RFX6: variants seen among roughly 807,000 people sequenced by gnomAD.
RFX6 encodes regulatory factor X6, also known as DNA-binding protein RFX6.
Under a neutral mutation model 110.8 loss-of-function variants are expected in RFX6, and 50 were observed. The ratio of observed to expected loss-of-function variants is 0.45; its 90% CI spans 0.36 to 0.57. The LOEUF (loss-of-function observed/expected upper bound fraction) is 0.57. Among genes scored for constraint, RFX6 ranks in the 20% least tolerant of loss-of-function variants. The pLI, the probability that RFX6 is intolerant of heterozygous loss-of-function variation, is 0.00. For missense variants in RFX6, 990 were observed against 1,127.0 expected (o/e 0.88, Z 1.74); for synonymous variants, 383 against 411.2 (o/e 0.93, Z 0.83).
At chr6:116,899,272 A>T (rs1321470595) in intron 6 of RFX6, among the ~76,000 whole-genome samples, 1 of 152,214 alleles carries the variant, frequency 6.6e-6, no homozygotes, top group African/African-American at 2.4e-5. Context: ...ATTCTTCCTA[A>T]ATTAATTCAG....
intron 4 of RFX6, among the ~76,000 whole-genome samples, chr6:116,886,107 G>A (rs1438895806): frequency 6.6e-6 from 1 of 151,914 alleles, no homozygotes; most frequent in Admixed American, 6.5e-5. Flanking sequence ...ACATTTTATT[G>A]TTATTGTAGT....
intron 6 of RFX6, among the ~76,000 whole-genome samples, chr6:116,907,785 TTCTG>T (rs568897038): frequency 4.4e-4 from 67 of 152,226 alleles, no homozygotes; most frequent in African/African-American, 1.6e-3. Flanking sequence ...CTTACTTAAC[TTCTG>T]TCTGTTTGTT....
At chr6:116,917,765 A>G (rs371631550) in intron 9 of RFX6, among the ~76,000 whole-genome samples, 4 of 152,256 alleles carry the variant, frequency 2.6e-5, no homozygotes, top group East Asian at 3.9e-4. Context: ...GCTTTTCATC[A>G]TAAAACGGTA....
At chr6:116,883,759 G>T (rs191210658) in intron 4 of RFX6, among the ~76,000 whole-genome samples, 3 of 152,100 alleles carry the variant, frequency 2.0e-5, no homozygotes, top group East Asian at 1.9e-4. Context: ...CAAAAACATA[G>T]GTCCTACTTT....
intron 4 of RFX6, among the ~76,000 whole-genome samples, chr6:116,883,197 T>G (rs1774628962): frequency 6.6e-6 from 1 of 152,154 alleles, no homozygotes; most frequent in African/African-American, 2.4e-5. Context: ...ACCTAGTCCA[T>G]TTCCTACCTG....
chr6:116,927,396 G>T lies in RFX6; in HGVS notation c.2255G>T (p.Arg752Leu). Reference sequence around the variant, plus strand: ...TGTGCGGGGTCTCCATATAACTCCCGGCCACCGTCTAGCTATGGCCCATCC... The same window carrying T: ...TGTGCGGGGTCTCCATATAACTCCCTGCCACCGTCTAGCTATGGCCCATCC... ...GSCAGSPYNSRPPSSYGPSLQ... is the reference protein window; with the variant it reads ...GSCAGSPYNSLPPSSYGPSLQ... Residue 752 changes from arginine (R) to leucine (L), a missense_variant, in exon 17 of 19, where the codon CGG becomes CTG. This residue lies in a region of RFX6 where 438 missense variants were observed against 441.9 expected (regional missense o/e 0.99). Coordinates refer to ENST00000332958, the MANE Select transcript of RFX6 (RefSeq NM_173560.4). 2 of 1,614,016 alleles carry T rather than the reference G, an allele frequency of 1.2e-6. No individual in the cohort carries two copies.
intron 18 of RFX6, among the ~76,000 whole-genome samples, chr6:116,929,859 C>T (rs1367503230): frequency 6.6e-6 from 1 of 152,166 alleles, no homozygotes; most frequent in Admixed American, 6.5e-5. Context: ...AATTTCATCT[C>T]TCCTCACTCA....
chr6:116,882,592 A>G (rs1256905722), intron 4 of RFX6, among the ~76,000 whole-genome samples, 164 bp downstream of exon 4: 4 of 152,040 alleles, frequency 2.6e-5, no homozygotes, highest in African/African-American at 9.7e-5. Context: ...AGATTTTAGA[A>G]TAATGTTTAA....
chr6:116,923,331 T>G, intron 14 of RFX6, 107 bp downstream of exon 14: 1 of 757,022 alleles, frequency 1.3e-6, no homozygotes, highest in Non-Finnish European at 2.4e-6. Flanking sequence ...CTTCTTAAAC[T>G]GTATCTGAAT....
chr6:116,878,527 A>C (rs890805934), intron 2 of RFX6, among the ~76,000 whole-genome samples: 2 of 152,058 alleles, frequency 1.3e-5, no homozygotes, highest in Non-Finnish European at 2.9e-5. Flanking sequence ...AAATATTACA[A>C]ATTGGATTTT....
At chr6:116,929,111 ATAT>A (rs1197186990) in intron 18 of RFX6, 140 bp downstream of exon 18, 2 of 696,586 alleles carry the variant, frequency 2.9e-6, no homozygotes, top group Non-Finnish European at 5.2e-6. Context: ...ATCTAAAGTT[ATAT>A]TTTTTGTATC....
intron 6 of RFX6, among the ~76,000 whole-genome samples, chr6:116,895,966 T>C (rs1225334135): frequency 6.6e-6 from 1 of 152,218 alleles, no homozygotes; most frequent in African/African-American, 2.4e-5. Flanking sequence ...ACCCACTAAA[T>C]GGCCAATTTC....
intron 13 of RFX6, 138 bp downstream of exon 13, chr6:116,922,289 A>C (rs1346221403): frequency 1.5e-6 from 1 of 674,164 alleles, no homozygotes; most frequent in Non-Finnish European, 2.7e-6. Context: ...ATGCTCTACG[A>C]ATAAGGCAGG....
At position 116,927,362 on chromosome 6, in the gene RFX6, A is replaced by T. The variant is rs1174610059; in HGVS notation, c.2221A>T (p.Ser741Cys). The change falls in exon 17 of 19, where the codon AGT (serine) becomes TGT (cysteine). Residue 741 changes from serine (S) to cysteine (C), a missense_variant. Ser to Cys is a moderately radical substitution (Grantham distance 112, BLOSUM62 -1). Around this residue, in one of 5 missense-constraint regions of RFX6, gnomAD observed 438 missense variants for 441.9 expected, o/e 0.99. Transcript: ENST00000332958. The part of the protein sequence containing the change: ...TEQQLSRDFF[S>C]GSCAGSPYNS... ...ACAGCAGCTTTCAAGAGACTTCTTC[A>T]GTGGCAGCTGTGCGGGGTCTCCATA... is the stretch of plus-strand genomic sequence containing the variant. The T allele has an allele frequency of 6.2e-7, 1 of 1,613,860 alleles. No individual in the cohort carries two copies. Among genetic ancestry groups the T allele is most frequent in the South Asian group, 1.1e-5 (1 of 91,086 alleles).
At position 116,894,069 on chromosome 6, in the gene RFX6, A is replaced by G. The variant is rs753738698; in HGVS notation, c.644+5A>G. 2.7e-6 allele frequency: 4 copies of G among 1,481,216 alleles called. No individual in the cohort carries two copies. The South Asian group carries it at 4.5e-5, about 17-fold the overall frequency. The allele number at this position is 1,481,216 out of a possible 1,614,324, so 91.8% of individuals were successfully genotyped here. On this transcript the variant is annotated splice_donor_5th_base_variant and intron_variant, in intron 5 of 18. Transcript: ENST00000332958. ...TTCTGGAAAGGGCTTGACAAGGTAG[A>G]GTTACACCATCTTCAAGACAAATTC...
intron 7 of RFX6, among the ~76,000 whole-genome samples, chr6:116,912,198 A>AG (rs1445082125): frequency 6.6e-6 from 1 of 152,122 alleles, no homozygotes; most frequent in African/African-American, 2.4e-5. Context: ...AAGGGGGAAG[A>AG]GGGAAATGGG....
rs1337247010 is a variant in RFX6, at chr6:116,927,379, G to T, written c.2238G>T (p.Gly746=). The change falls in exon 17 of 19, where the codon GGG becomes GGT. Residue 746 remains glycine (G), a synonymous_variant. Transcript: ENST00000332958. ...SRDFFSGSCA[G]SPYNSRPPSS... ...ACTTCTTCAGTGGCAGCTGTGCGGG[G>T]TCTCCATATAACTCCCGGCCACCGT... The T allele has an allele frequency of 6.2e-7, 1 of 1,613,978 alleles. No homozygotes were observed. Among genetic ancestry groups the T allele is most frequent in the East Asian group, 2.2e-5 (1 of 44,874 alleles).
intron 12 of RFX6, among the ~76,000 whole-genome samples, chr6:116,921,583 T>C (rs1398648430): frequency 6.6e-6 from 1 of 152,094 alleles, no homozygotes; most frequent in Non-Finnish European, 1.5e-5. Flanking sequence ...TTCAAGAGGC[T>C]GAGGTGGGAA....
chr6:116,922,478 C>T (rs969687727), intron 13 of RFX6, among the ~76,000 whole-genome samples: 12 of 151,992 alleles, frequency 7.9e-5, no homozygotes, highest in Admixed American at 7.2e-4. Context: ...TGATCTGGCC[C>T]GTTTCTAAAA....
Sources: allele counts gnomAD v4.1 joint callset (sites outside exome capture counted in the v4.1 genomes callset), GRCh38; gene constraint gnomAD v4.1.1; regional missense constraint gnomAD v4.1.1; transcripts MANE v1.5; gene names NCBI Gene and HGNC (gene_info 2026-07-23, HGNC 2026-07-21).